NSF: variants seen among roughly 807,000 people sequenced by gnomAD.
NSF encodes N-ethylmaleimide sensitive factor, vesicle fusing ATPase, also known as vesicle-fusing ATPase.
Under a neutral mutation model 50.3 loss-of-function variants are expected in NSF, and 14 were observed. The ratio of observed to expected loss-of-function variants is 0.28; its 90% confidence interval spans 0.18 to 0.44. The LOEUF is 0.44. Ranked by LOEUF, NSF falls within the 20% of genes least tolerant of loss-of-function variation. The probability of loss-of-function intolerance (pLI) is 1.00; values close to 1 mark genes in which losing one functional copy is unlikely to be tolerated. For synonymous variants in NSF, 109 were observed against 175.7 expected (o/e 0.62, Z 3.00); for missense variants, 218 against 504.3 (o/e 0.43, Z 5.44).
chr17:46,744,980 A>C (rs2059112892), intron 17 of NSF, among the ~76,000 whole-genome samples: 1 of 152,180 alleles, frequency 6.6e-6, no homozygotes, highest in South Asian at 2.1e-4. Context: ...AGGACTAGCA[A>C]ATCTCAGTAA....
intron 15 of NSF, among the ~76,000 whole-genome samples, chr17:46,718,781 A>G (rs1029289266): frequency 1.2e-4 from 18 of 152,216 alleles, no homozygotes; most frequent in Admixed American, 7.8e-4. Flanking sequence ...ATTAGATGGT[A>G]ATTTCTGTAA....
intron 8 of NSF, among the ~76,000 whole-genome samples, chr17:46,655,959 C>A (rs1598659786): frequency 1.1e-5 from 1 of 90,992 alleles, no homozygotes; most frequent in Non-Finnish European, 2.0e-5. Context: ...ATTTTAGCAA[C>A]TCATAAAATA....
At position 46,610,043 on chromosome 17, in the gene NSF, C is replaced by CTCTT. The variant is rs1245010386; in HGVS notation, c.13-14200_13-14199insCTTT. ...TTTCTTTCTTTCTCTCTCTCTCTCTCTTTCTTTCTTTCTTTCTTTCTTTCC... is the reference window on the plus strand; with the variant it reads ...TTTCTTTCTTTCTCTCTCTCTCTCTCTCTTTTTCTTTCTTTCTTTCTTTCTTTCC... On this transcript the variant is annotated intron_variant, in intron 1 of 20. Transcript: ENST00000398238. 8.1e-5 allele frequency among the ~76,000 whole-genome samples: 6 copies of CTCTT among 73,876 alleles called. 1 individual carries two copies. Among genetic ancestry groups the CTCTT allele is most frequent in the Non-Finnish European group, 1.5e-4 (4 of 27,144 alleles). The allele number at this position is 73,876 out of a possible 152,430, so 48.5% of individuals were successfully genotyped here. A position where few individuals can be genotyped will look rare whatever the true frequency, so the allele number is the denominator to read the frequency against.
intron 15 of NSF, among the ~76,000 whole-genome samples, chr17:46,717,067 C>T (rs2058779777): frequency 1.3e-5 from 2 of 152,028 alleles, no homozygotes; most frequent in South Asian, 4.1e-4. Flanking sequence ...GCAGTATTCA[C>T]AGTAGTGGAA....
At chr17:46,742,126 C>T (rs1338433548) in intron 17 of NSF, among the ~76,000 whole-genome samples, 2 of 152,196 alleles carry the variant, frequency 1.3e-5, no homozygotes, top group Admixed American at 1.3e-4. Context: ...CTAGAGAAGT[C>T]TGTGTTATCC....
chr17:46,720,512 C>T (rs1283599594), intron 15 of NSF, among the ~76,000 whole-genome samples: 1 of 152,160 alleles, frequency 6.6e-6, no homozygotes, highest in Non-Finnish European at 1.5e-5. Flanking sequence ...AGTTTAGGTC[C>T]ACTTCCTGAG....
intron 19 of NSF, among the ~76,000 whole-genome samples, chr17:46,754,722 G>A (rs1348401220): frequency 6.6e-6 from 1 of 152,128 alleles, no homozygotes; most frequent in Admixed American, 6.5e-5. Flanking sequence ...TGACACATTC[G>A]CAGTCACAGG....
intron 1 of NSF, among the ~76,000 whole-genome samples, chr17:46,612,405 T>C (rs1332615833): frequency 1.1e-4 from 1 of 8,788 alleles, no homozygotes; most frequent in Non-Finnish European, 1.9e-4. Flanking sequence ...TGAAAACATA[T>C]GTTCATACAT....
intron 15 of NSF, chr17:46,721,510 T>C: frequency 2.1e-6 from 2 of 949,202 alleles, no homozygotes; most frequent in South Asian, 2.7e-5. Flanking sequence ...AACTTCATAA[T>C]AGAACTGGGC....
At chr17:46,720,012 G>T (rs1173601708) in intron 15 of NSF, among the ~76,000 whole-genome samples, 1 of 152,132 alleles carries the variant, frequency 6.6e-6, no homozygotes, top group East Asian at 1.9e-4. Flanking sequence ...ATATCCTCCT[G>T]TAAATCCCAC....
At chr17:46,749,740 G>A in intron 17 of NSF, 33 bp from the exon 18 acceptor site, 2 of 1,593,238 alleles carry the variant, frequency 1.3e-6, no homozygotes, top group African/African-American at 2.7e-5. Context: ...GTCTTATTAT[G>A]TACATTTTAA....
At chr17:46,595,425 C>A (rs2057860601) in intron 1 of NSF, among the ~76,000 whole-genome samples, 1 of 79,404 alleles carries the variant, frequency 1.3e-5, no homozygotes, top group Non-Finnish European at 1.9e-5. Context: ...GTACATGAGT[C>A]CAATGTATTA....
chr17:46,733,308 C>T (rs1456380967), intron 17 of NSF, among the ~76,000 whole-genome samples: 2 of 151,936 alleles, frequency 1.3e-5, no homozygotes, highest in Non-Finnish European at 2.9e-5. Context: ...CCTGCAGGAC[C>T]AGTGGCTTGA....
intron 17 of NSF, among the ~76,000 whole-genome samples, chr17:46,729,282 T>A (rs375411705): frequency 2.5e-4 from 38 of 152,312 alleles, no homozygotes; most frequent in East Asian, 9.6e-4. Context: ...TTGAATATGT[T>A]CCCATATGTT....
chr17:46,712,322 A>G (rs987790579), intron 14 of NSF, among the ~76,000 whole-genome samples: 4 of 152,152 alleles, frequency 2.6e-5, no homozygotes, highest in African/African-American at 9.7e-5. Context: ...CATATTATCT[A>G]TTTAAACCCC....
chr17:46,734,969 T>G (rs1263899947), intron 17 of NSF, among the ~76,000 whole-genome samples: 1 of 152,164 alleles, frequency 6.6e-6, no homozygotes, highest in Non-Finnish European at 1.5e-5. Context: ...GAGGATCGCT[T>G]GAGCCCATGA....
intron 13 of NSF, among the ~76,000 whole-genome samples, chr17:46,707,553 C>T (rs1193612737): frequency 3.3e-5 from 5 of 152,074 alleles, no homozygotes; most frequent in African/African-American, 1.2e-4. Context: ...CCCTCCCCTA[C>T]AACACCTGGC....
chr17:46,755,674 C>T (rs1190762942), intron 20 of NSF, 128 bp from the exon 21 acceptor site: 1 of 1,031,852 alleles, frequency 9.7e-7, no homozygotes, highest in East Asian at 2.5e-5. Flanking sequence ...CATCTAATAG[C>T]AAATGCATAG....
intron 17 of NSF, 85 bp downstream of exon 17, chr17:46,729,019 G>A (rs1013785641): frequency 6.0e-6 from 5 of 834,240 alleles, no homozygotes; most frequent in South Asian, 1.9e-5. Context: ...TAAATAAGCA[G>A]GTTATCATAA....
Sources: allele counts gnomAD v4.1 joint callset (sites outside exome capture counted in the v4.1 genomes callset), GRCh38; gene constraint gnomAD v4.1.1; transcripts MANE v1.5; gene names NCBI Gene and HGNC (gene_info 2026-07-23, HGNC 2026-07-21).